The following FMO3 variants were observed in gnomAD, a reference collection of about 807,000 sequenced individuals.
FMO3 encodes flavin containing dimethylaniline monoxygenase 3, also known as flavin-containing monooxygenase 3.
In FMO3, 40 loss-of-function variants were observed where a neutral mutation model predicts 39.4. The observed-to-expected ratio is 1.02, with a 90% CI of 0.79 to 1.32. The LOEUF is 1.32. FMO3 is among the 40% of genes most tolerant of loss of function. The pLI is 0.00. For missense variants in FMO3, 680 were observed against 651.8 expected (o/e 1.04, Z -0.47); for synonymous variants, 219 against 228.8 (o/e 0.96, Z 0.39).
intron 7 of FMO3, among the ~76,000 whole-genome samples, chr1:171,115,220 G>A (rs1457325819): frequency 6.6e-6 from 1 of 152,108 alleles, no homozygotes; most frequent in Non-Finnish European, 1.5e-5. Flanking sequence ...TCTGAAGAAA[G>A]GAAACAAGGC....
At chr1:171,104,639 C>A (rs1225618644) in intron 3 of FMO3, among the ~76,000 whole-genome samples, 14 of 152,052 alleles carry the variant, frequency 9.2e-5, no homozygotes, top group Admixed American at 9.2e-4. Context: ...TTTGGGAGGA[C>A]AAGGCAGGCA....
At chr1:171,092,612 G>A in intron 1 of FMO3, 41 bp from the exon 2 acceptor site, 1 of 1,608,876 alleles carries the variant, frequency 6.2e-7, no homozygotes, top group Non-Finnish European at 8.5e-7. Context: ...TACATTTTCA[G>A]CAATGTTGTT....
intron 2 of FMO3, among the ~76,000 whole-genome samples, chr1:171,097,424 C>G (rs1035710848): frequency 1.7e-5 from 2 of 116,328 alleles, no homozygotes; most frequent in Admixed American, 1.9e-4. Flanking sequence ...AAAAGTGTTC[C>G]TATTTCTCCA....
chr1:171,110,664 C>T, intron 5 of FMO3, 134 bp from the exon 6 acceptor site: 1 of 813,604 alleles, frequency 1.2e-6, no homozygotes, highest in Non-Finnish European at 2.1e-6. Flanking sequence ...GGACTGACAG[C>T]TGAGAGATGT....
rs1557933446 is a variant in FMO3, at chr1:171,096,090, A to AT, written c.132+3300_132+3301insT. Among the ~76,000 whole-genome samples, 86 of 80,328 alleles carry AT rather than the reference A, an allele frequency of 1.1e-3. 1 individual carries two copies. Among genetic ancestry groups the AT allele is most frequent in the Non-Finnish European group, 1.3e-3 (63 of 47,380 alleles). 52.7% of individuals were successfully genotyped at this position (80,328 alleles called of 152,430 possible). On this transcript the variant is annotated intron_variant, in intron 2 of 8. Coordinates refer to ENST00000367755, the MANE Select transcript of FMO3 (RefSeq NM_001002294.3). ...TATATATTAATATATAATATATATT[A>AT]ATATTTTTATATAATTAATTATTAT...
intron 1 of FMO3, 92 bp from the exon 2 acceptor site, chr1:171,092,561 A>C: frequency 6.7e-7 from 1 of 1,483,814 alleles, no homozygotes; most frequent in Non-Finnish European, 9.4e-7. Context: ...GTTTTTATTA[A>C]GCCAAAGAGC....
rs769188556 is a variant in FMO3 at position 171,116,266 on chromosome 1, G to A, written c.1242G>A (p.Glu414=). The A allele has an allele frequency of 1.3e-6, 2 of 1,589,440 alleles. No individual in the cohort carries two copies. The highest frequency in any genetic ancestry group is 2.2e-5 in the South Asian group (2 of 90,346). Residue 414 remains glutamate, a synonymous_variant, in exon 8 of 9, where the codon GAG becomes GAA. Transcript: ENST00000367755. ...TGAATGATATTAATGAGAAAATGGA[G>A]AAAAAGCGCAAATGGTAAGAGTACC... The part of the protein sequence containing the change: ...DMMNDINEKM[E]KKRKWFGKSE...
intron 2 of FMO3, among the ~76,000 whole-genome samples, chr1:171,095,425 T>C (rs1258807834): frequency 3.3e-5 from 5 of 152,098 alleles, no homozygotes; most frequent in Non-Finnish European, 5.9e-5. Flanking sequence ...CTCCACTCAA[T>C]CAGTACAGTC....
intron 2 of FMO3, among the ~76,000 whole-genome samples, chr1:171,098,630 A>G (rs1221086100): frequency 6.6e-6 from 1 of 152,158 alleles, no homozygotes; most frequent in Non-Finnish European, 1.5e-5. Flanking sequence ...TGATTTTTGC[A>G]CACTGATTTT....
At chr1:171,110,257 T>C (rs1361995980) in intron 5 of FMO3, among the ~76,000 whole-genome samples, 1 of 152,180 alleles carries the variant, frequency 6.6e-6, no homozygotes, top group Non-Finnish European at 1.5e-5. Context: ...TTAAAATGCC[T>C]ATTTTGAGAT....
intron 2 of FMO3, among the ~76,000 whole-genome samples, chr1:171,103,520 A>G (rs1170327852): frequency 2.0e-5 from 3 of 152,168 alleles, no homozygotes; most frequent in Admixed American, 6.6e-5. Context: ...AAAACAATAC[A>G]CTACAACTAT....
chr1:171,101,685 G>C (rs1051759272), intron 2 of FMO3: 1 of 492,758 alleles, frequency 2.0e-6, no homozygotes, highest in Non-Finnish European at 4.2e-6. Flanking sequence ...CCCTGATCTA[G>C]AGCCACGATG....
intron 2 of FMO3, among the ~76,000 whole-genome samples, chr1:171,103,260 T>C (rs1163263031): frequency 6.6e-6 from 1 of 152,210 alleles, no homozygotes; most frequent in Admixed American, 6.5e-5. Context: ...TTAAGATATA[T>C]TTTCTTAAAA....
chr1:171,100,463 G>C (rs1014652386), intron 2 of FMO3: 1 of 152,170 alleles, frequency 6.6e-6, no homozygotes, highest in Admixed American at 6.6e-5. Context: ...GGTTAAATGG[G>C]AATGTCGATA....
chr1:171,096,073 A>ATATAATATATATT (rs1557933390), intron 2 of FMO3, among the ~76,000 whole-genome samples: 1 of 60,982 alleles, frequency 1.6e-5, no homozygotes, highest in African/African-American at 7.4e-5. Context: ...ATTATATATT[A>ATATAATATATATT]ATATATAATA....
At position 171,099,258 on chromosome 1, in the gene FMO3, A is replaced by G. The variant is rs181074910; in HGVS notation, c.133-4527A>G. Among the ~76,000 whole-genome samples the G allele has an allele frequency of 2.6e-3, 394 of 152,298 alleles. 2 individuals carry two copies. Among genetic ancestry groups the G allele is most frequent in the African/African-American group, 8.8e-3 (364 of 41,560 alleles). On this transcript the variant is annotated intron_variant, in intron 2 of 8. Transcript: ENST00000367755. The stretch of plus-strand genomic sequence containing the variant: ...TCTAGTTTGATTGCACTGTGGTCTG[A>G]GAGACAGTTTGTTATAATTTCTGTT...
At chr1:171,111,750 GACAA>G (rs1425124073) in intron 6 of FMO3, among the ~76,000 whole-genome samples, 2 of 152,146 alleles carry the variant, frequency 1.3e-5, no homozygotes, top group East Asian at 1.9e-4. Flanking sequence ...TCATTAATTT[GACAA>G]ACATTTATTA....
intron 3 of FMO3, among the ~76,000 whole-genome samples, chr1:171,106,435 T>C (rs10797878): frequency 0.35 from 52,658 of 151,928 alleles, 9,877 homozygotes; most frequent in African/African-American, 0.48. Flanking sequence ...CCACCATGCC[T>C]GGTCTTAGAA....
chr1:171,091,889 TTGCGTGTGTGTG>T lies in FMO3; in HGVS notation c.-6-761_-6-750del, dbSNP rs1654726120. 2.7e-5 allele frequency among the ~76,000 whole-genome samples: 4 copies of T among 145,578 alleles called. No individual in the cohort carries two copies. In the South Asian group the frequency reaches 9.4e-4, roughly 34 times the overall value. ...TATCTAAGTAAAAAGAAGATACAGA[TTGCGTGTGTGTG>T]TGTGTGTGTGTATGACTGTGTGTGT... On this transcript the variant is annotated intron_variant, in intron 1 of 8. Transcript: ENST00000367755.
Sources: allele counts gnomAD v4.1 joint callset (sites outside exome capture counted in the v4.1 genomes callset), GRCh38; gene constraint gnomAD v4.1.1; transcripts MANE v1.5; gene names NCBI Gene and HGNC (gene_info 2026-07-23, HGNC 2026-07-21).